SOX5: variants seen among roughly 807,000 people sequenced by gnomAD.
SOX5 encodes the protein SRY-box transcription factor 5.
Under a neutral mutation model 92.0 loss-of-function variants are expected in SOX5, and 9 were observed. That is an observed-to-expected ratio of 0.10 (90% CI 0.06 to 0.17). SOX5 has a LOEUF of 0.17. SOX5 is among the 10% of genes least tolerant of loss of function. The probability of loss-of-function intolerance (pLI) is 1.00; values close to 1 mark genes in which losing one functional copy is unlikely to be tolerated. For synonymous variants in SOX5, 344 were observed against 336.3 expected, an observed-to-expected ratio of 1.02 and a Z score of -0.25; for missense variants, 642 against 944.5, an observed-to-expected ratio of 0.68 and a Z score of 4.20.
chr12:23,798,533 G>T (rs113988894), intron 3 of SOX5, among the ~76,000 whole-genome samples: 325 of 147,420 alleles, frequency 2.2e-3, no homozygotes, highest in African/African-American at 7.7e-3. Flanking sequence ...GCAAATATAG[G>T]TTTACATTTA....
intron 1 of SOX5, among the ~76,000 whole-genome samples, chr12:24,547,043 C>A (rs979601565): frequency 2.0e-5 from 3 of 151,656 alleles, no homozygotes; most frequent in Non-Finnish European, 4.4e-5. Context: ...AACTGTATTA[C>A]TAAACTGATT....
intron 9 of SOX5, among the ~76,000 whole-genome samples, chr12:23,576,825 A>G (rs144862288): frequency 1.4e-4 from 22 of 152,176 alleles, no homozygotes; most frequent in Non-Finnish European, 3.2e-4. Flanking sequence ...CGTGTGCTCT[A>G]AAATTGGAAT....
intron 3 of SOX5, among the ~76,000 whole-genome samples, chr12:24,263,130 A>T (rs1235385862): frequency 6.6e-6 from 1 of 151,914 alleles, no homozygotes; most frequent in Non-Finnish European, 1.5e-5. Context: ...AGAGGCTGAG[A>T]CAGGAGAATT....
At chr12:24,005,772 T>C (rs1287984143) in intron 4 of SOX5, among the ~76,000 whole-genome samples, 2 of 152,226 alleles carry the variant, frequency 1.3e-5, no homozygotes, top group African/African-American at 4.8e-5. Flanking sequence ...GCTGTCACCA[T>C]GCATGACAGA....
chr12:24,273,609 A>G (rs1435393537), intron 3 of SOX5, among the ~76,000 whole-genome samples: 1 of 152,138 alleles, frequency 6.6e-6, no homozygotes, highest in Non-Finnish European at 1.5e-5. Context: ...GGTTTGAAAC[A>G]TTTATTCACC....
intron 4 of SOX5, among the ~76,000 whole-genome samples, chr12:24,202,859 G>C (rs542485832): frequency 4.6e-5 from 7 of 152,078 alleles, no homozygotes; most frequent in Non-Finnish European, 8.8e-5. Context: ...ATTTGTTTTA[G>C]GTGGTGTCTG....
intron 1 of SOX5, among the ~76,000 whole-genome samples, chr12:24,414,450 G>T (rs951236451): frequency 2.6e-5 from 4 of 152,178 alleles, no homozygotes; most frequent in African/African-American, 4.8e-5. Flanking sequence ...AGGCTAACTT[G>T]GGGTCCTTGG....
At chr12:24,198,987 G>GA (rs35506745) in intron 4 of SOX5, among the ~76,000 whole-genome samples, 2 of 152,196 alleles carry the variant, frequency 1.3e-5, no homozygotes, top group African/African-American at 2.4e-5. Flanking sequence ...AAGGCAGGGA[G>GA]AAAAGAGTAC....
At chr12:23,665,625 AC>A in intron 6 of SOX5, 61 bp from the exon 7 acceptor site, 1 of 1,524,406 alleles carries the variant, frequency 6.6e-7, no homozygotes, top group Non-Finnish European at 8.8e-7. Flanking sequence ...GCTTCTTCCC[AC>A]CCTCCTTATT....
rs376513606 is a variant in SOX5, at chr12:24,426,381, G to A, written c.-250-57742C>T. ...TGTAAATGACAAGTTGATGGGTGCAGCAAACCAACATGGCACATGTATGTA... is the reference window on the plus strand; with the variant it reads ...TGTAAATGACAAGTTGATGGGTGCAACAAACCAACATGGCACATGTATGTA... On this transcript the variant is annotated intron_variant, in intron 1 of 4. Transcript: ENST00000446891. 4.1e-3 allele frequency among the ~76,000 whole-genome samples: 620 copies of A among 152,284 alleles called. 5 individuals are homozygous for A. Among genetic ancestry groups the A allele is most frequent in the Middle Eastern group, 0.01 (3 of 294 alleles).
At chr12:23,627,526 G>A (rs1175359174) in intron 8 of SOX5, among the ~76,000 whole-genome samples, 4 of 152,058 alleles carry the variant, frequency 2.6e-5, no homozygotes, top group Non-Finnish European at 4.4e-5. Flanking sequence ...GAATCTAGGA[G>A]ATAATGATGA....
intron 4 of SOX5, among the ~76,000 whole-genome samples, chr12:24,045,502 G>A (rs1051915313): frequency 6.6e-6 from 1 of 152,148 alleles, no homozygotes; most frequent in African/African-American, 2.4e-5. Flanking sequence ...GTCTTACTAT[G>A]TTGCCCAGGC....
chr12:24,462,344 T>A (rs1394976886), intron 1 of SOX5, among the ~76,000 whole-genome samples: 1 of 152,228 alleles, frequency 6.6e-6, no homozygotes. Context: ...ATCCTATATA[T>A]TCAGTCTTTC....
chr12:24,416,279 G>C (rs1306728507), intron 1 of SOX5, among the ~76,000 whole-genome samples: 1 of 152,230 alleles, frequency 6.6e-6, no homozygotes. Flanking sequence ...TCCCCAGGGT[G>C]ACCAAATGTC....
At chr12:24,418,170 T>C (rs1260796252) in intron 1 of SOX5, among the ~76,000 whole-genome samples, 2 of 150,438 alleles carry the variant, frequency 1.3e-5, no homozygotes, top group Non-Finnish European at 3.0e-5. Context: ...TAAAAATACA[T>C]TCACAAATGA....
intron 1 of SOX5, among the ~76,000 whole-genome samples, chr12:24,528,415 G>T (rs1950899618): frequency 6.6e-6 from 1 of 152,164 alleles, no homozygotes; most frequent in Admixed American, 6.5e-5. Flanking sequence ...TAGGAGCAGG[G>T]TGATTGATAA....
chr12:24,516,800 A>C (rs910000939), intron 1 of SOX5, among the ~76,000 whole-genome samples: 1 of 152,208 alleles, frequency 6.6e-6, no homozygotes, highest in Admixed American at 6.5e-5. Flanking sequence ...TAGTATTTTC[A>C]GCATAATTTT....
chr12:24,363,221 C>T (rs1457014268), intron 2 of SOX5, among the ~76,000 whole-genome samples: 1 of 151,936 alleles, frequency 6.6e-6, no homozygotes, highest in African/African-American at 2.4e-5. Flanking sequence ...TCTCTCTCAC[C>T]AGACTCTTGG....
At chr12:24,226,979 T>C (rs1292791253) in intron 3 of SOX5, among the ~76,000 whole-genome samples, 3 of 152,080 alleles carry the variant, frequency 2.0e-5, no homozygotes, top group Admixed American at 6.5e-5. Context: ...GGCAGGCAGG[T>C]GTATTTAGCA....
Sources: gnomAD v4.1 joint callset for allele counts (sites outside exome capture counted in the v4.1 genomes callset) on GRCh38, gnomAD v4.1.1 for gene constraint, MANE v1.5 for transcripts, NCBI Gene and HGNC (gene_info 2026-07-23, HGNC 2026-07-21) for gene names.